SLC24A2: variants seen among roughly 807,000 people sequenced by gnomAD.
The protein encoded by SLC24A2 is solute carrier family 24 member 2.
A neutral mutation model predicts 62.0 loss-of-function variants in SLC24A2; 36 were observed. The ratio of observed to expected loss-of-function variants is 0.58; its 90% CI spans 0.44 to 0.77. The LOEUF is 0.77. Ranked by LOEUF, SLC24A2 falls within the 30% of genes least tolerant of loss-of-function variation. SLC24A2 has a pLI of 0.00. For synonymous variants in SLC24A2, 358 were observed against 294.0 expected, an observed-to-expected ratio of 1.22 and a Z score of -2.23; for missense variants, 846 against 817.9, an observed-to-expected ratio of 1.03 and a Z score of -0.42.
upstream of SLC24A2, among the ~76,000 whole-genome samples, chr9:19,792,552 A>AAAAAAAAAAG: frequency 6.6e-6 from 1 of 150,830 alleles, no homozygotes; most frequent in Non-Finnish European, 1.5e-5. Flanking sequence ...AAAAAAAAAA[A>AAAAAAAAAAG]AAAAAAAATG....
chr9:20,224,160 G>C, the SLC24A2 span, among the ~76,000 whole-genome samples: 1 of 152,002 alleles, frequency 6.6e-6, no homozygotes, highest in East Asian at 1.9e-4. Flanking sequence ...TGGGGACACA[G>C]AGCCAAACAA....
chr9:19,927,944 G>C, the SLC24A2 span: 1 of 152,424 alleles, frequency 6.6e-6, no homozygotes, highest in Non-Finnish European at 1.5e-5. Context: ...TTGTGAGCCT[G>C]TGTGCCTGGA....
At chr9:19,722,894 T>C (rs1821069079) in intron 2 of SLC24A2, among the ~76,000 whole-genome samples, 1 of 152,068 alleles carries the variant, frequency 6.6e-6, no homozygotes, top group African/African-American at 2.4e-5. Context: ...GTGAAGCTCG[T>C]ATGGAAAGAC....
chr9:19,850,950 T>A, the SLC24A2 span, among the ~76,000 whole-genome samples: 2 of 44,652 alleles, frequency 4.5e-5, no homozygotes, highest in African/African-American at 9.1e-5. Context: ...TATATACATA[T>A]ATATATATAT....
chr9:20,287,798 T>C, the SLC24A2 span, among the ~76,000 whole-genome samples: 2 of 152,184 alleles, frequency 1.3e-5, no homozygotes, highest in Admixed American at 6.5e-5. Flanking sequence ...CACCTCTCCA[T>C]CTCTTCCAGT....
chr9:20,260,845 C>CTTTTTTTTTT, the SLC24A2 span, among the ~76,000 whole-genome samples: 116 of 110,502 alleles, frequency 1.0e-3, 4 homozygotes, highest in African/African-American at 1.6e-3. Context: ...ACGTATCATT[C>CTTTTTTTTTT]TTTCTTTTTT....
chr9:19,911,166 T>C, the SLC24A2 span, among the ~76,000 whole-genome samples: 6 of 148,360 alleles, frequency 4.0e-5, no homozygotes, highest in Non-Finnish European at 5.9e-5. Context: ...GAACATGCGG[T>C]GTTTAGTTTT....
rs1237699719 is a variant in SLC24A2, at chr9:19,515,595, G to A, written c.*558C>T. 6.6e-6 allele frequency: 1 copy of A among 152,250 alleles called. No individual in the cohort carries two copies. The highest frequency in any genetic ancestry group is 1.5e-5 in the Non-Finnish European group (1 of 68,168). The allele number at this position is 152,250 out of a possible 1,614,324, so 9.4% of individuals were successfully genotyped here. On this transcript the variant is annotated 3_prime_UTR_variant, in exon 11 of 11. Coordinates refer to ENST00000341998, the MANE Select transcript of SLC24A2 (RefSeq NM_020344.4). ...TCACCTCTTGTACTTAAGAGGTAAA[G>A]CCCAGACTGCAAGTTGATGCCCCTC...
At chr9:19,841,279 G>A in the SLC24A2 span, among the ~76,000 whole-genome samples, 1 of 152,102 alleles carries the variant, frequency 6.6e-6, no homozygotes, top group Admixed American at 6.6e-5. Flanking sequence ...AGTAAAATAA[G>A]GCAGAGAAGG....
chr9:20,178,778 G>A, the SLC24A2 span, among the ~76,000 whole-genome samples: 2 of 152,132 alleles, frequency 1.3e-5, no homozygotes, highest in Non-Finnish European at 2.9e-5. Context: ...TTATATAAGT[G>A]CCAGGAGATG....
the SLC24A2 span, among the ~76,000 whole-genome samples, chr9:19,963,061 C>T: frequency 6.6e-6 from 1 of 152,064 alleles, no homozygotes; most frequent in East Asian, 1.9e-4. Flanking sequence ...AGAAATAACG[C>T]CGCATATCTA....
In SLC24A2 at chr9:19,735,211, C is replaced by T. The variant is rs572029387; in HGVS notation, c.930+50726G>A. Among the ~76,000 whole-genome samples, 160 of 152,222 alleles carry T rather than the reference C, an allele frequency of 1.1e-3. 1 individual carries two copies. Among genetic ancestry groups the T allele is most frequent in the African/African-American group, 3.7e-3 (153 of 41,544 alleles). The stretch of plus-strand genomic sequence containing the variant: ...AGTGGGCAAAGTATATGAACAGACA[C>T]TTCTCAAAAGAAGACATTTATGCAG... On this transcript the variant is annotated intron_variant, in intron 2 of 10. Transcript: ENST00000341998.
intron 2 of SLC24A2, among the ~76,000 whole-genome samples, chr9:19,695,559 G>A (rs1000924473): frequency 2.6e-5 from 4 of 151,358 alleles, no homozygotes; most frequent in African/African-American, 9.7e-5. Flanking sequence ...TAGCAAACTT[G>A]AAGCTAAACC....
the SLC24A2 span, among the ~76,000 whole-genome samples, chr9:20,187,805 G>A: frequency 6.6e-6 from 1 of 152,152 alleles, no homozygotes; most frequent in African/African-American, 2.4e-5. Context: ...TTTATGGTCA[G>A]TCTCCCCTAG....
chr9:20,169,341 G>A, the SLC24A2 span, among the ~76,000 whole-genome samples: 35,957 of 151,846 alleles, frequency 0.24, 5,344 homozygotes, highest in African/African-American at 0.42. Flanking sequence ...GTGGAGCCTC[G>A]TGTCATGAAC....
intron 4 of SLC24A2, among the ~76,000 whole-genome samples, chr9:19,616,730 G>C (rs1372046081): frequency 6.6e-6 from 1 of 152,134 alleles, no homozygotes; most frequent in Non-Finnish European, 1.5e-5. Flanking sequence ...TATCCTGGCA[G>C]AAACAGGCAA....
the SLC24A2 span, among the ~76,000 whole-genome samples, chr9:19,821,512 C>A: frequency 6.6e-6 from 1 of 152,084 alleles, no homozygotes; most frequent in Non-Finnish European, 1.5e-5. Flanking sequence ...GAAAAACACT[C>A]AGAATGCTCT....
chr9:20,099,331 T>G, the SLC24A2 span, among the ~76,000 whole-genome samples: 1 of 152,234 alleles, frequency 6.6e-6, no homozygotes, highest in Non-Finnish European at 1.5e-5. Flanking sequence ...TAATAACTCA[T>G]TCATCTGGAA....
chr9:19,786,111 C>G lies in SLC24A2; in HGVS notation c.756G>C (p.Leu252=), dbSNP rs994790749. The change falls in exon 2 of 11, where the codon CTG becomes CTC. Residue 252 remains leucine (L), a synonymous_variant. Transcript: ENST00000341998. The surrounding 1 kb of genome is among the most constrained non-coding windows in gnomAD (Gnocchi z 5.0). The stretch of plus-strand genomic sequence containing the variant: ...TGACATTATCCAGGAAAAATATGAT[C>G]AGCATGATCAAGTCAACAATGTAGA... ...VSFYIVDLIM[L]IIFFLDNVIM... 1.9e-6 allele frequency: 3 copies of G among 1,614,062 alleles called. No homozygotes were observed. The highest frequency in any genetic ancestry group is 4.5e-5 in the East Asian group (2 of 44,906).
Sources: gnomAD v4.1 joint callset for allele counts (sites outside exome capture counted in the v4.1 genomes callset) on GRCh38, gnomAD v4.1.1 for gene constraint, Gnocchi (gnomAD v3.1) non-coding constraint, MANE v1.5 for transcripts, NCBI Gene and HGNC (gene_info 2026-07-23, HGNC 2026-07-21) for gene names.